RREB1: variants seen among roughly 807,000 people sequenced by gnomAD.
RREB1 encodes the protein ras-responsive element-binding protein 1.
A neutral mutation model predicts 117.8 loss-of-function variants in RREB1; 27 were observed. That is an observed-to-expected ratio of 0.23 (90% CI 0.17 to 0.32). The LOEUF is 0.32. Ranked by LOEUF, RREB1 falls within the 10% of genes least tolerant of loss-of-function variation. The pLI is 1.00. For synonymous variants in RREB1, 1,298 were observed against 1,026.7 expected (o/e 1.26, Z -5.05); for missense variants, 2,577 against 2,378.2 (o/e 1.08, Z -1.74).
chr6:7,198,810 T>C (rs757318324), intron 6 of RREB1, among the ~76,000 whole-genome samples: 7 of 152,176 alleles, frequency 4.6e-5, no homozygotes, highest in African/African-American at 7.2e-5. Context: ...AATATGTAAG[T>C]GTAATATCCC....
intron 2 of RREB1, among the ~76,000 whole-genome samples, chr6:7,179,508 C>T (rs1764678837): frequency 6.6e-6 from 1 of 152,168 alleles, no homozygotes; most frequent in South Asian, 2.1e-4. Flanking sequence ...GATTTCTAGT[C>T]AGTTATGTTG....
chr6:7,196,920 A>G (rs995582851), intron 6 of RREB1, among the ~76,000 whole-genome samples: 2 of 152,204 alleles, frequency 1.3e-5, no homozygotes, highest in African/African-American at 4.8e-5. Context: ...AACATGTAGC[A>G]CGGAAACATC....
intron 1 of RREB1, among the ~76,000 whole-genome samples, chr6:7,162,374 G>A (rs2113466842): frequency 6.6e-6 from 1 of 152,232 alleles, no homozygotes; most frequent in African/African-American, 2.4e-5. Context: ...GCTGGGAGGC[G>A]AATCTCTTCT....
At chr6:7,153,246 T>TTA (rs556613013) in intron 1 of RREB1, among the ~76,000 whole-genome samples, 5,379 of 151,784 alleles carry the variant, frequency 0.035, 128 homozygotes, top group Non-Finnish European at 0.049. Context: ...TATTTTTTTT[T>TTA]AAAAAAAGTA....
At chr6:7,153,213 TG>T (rs1447635662) in intron 1 of RREB1, among the ~76,000 whole-genome samples, 1 of 150,314 alleles carries the variant, frequency 6.7e-6, no homozygotes, top group Non-Finnish European at 1.5e-5. Context: ...AACTGCAAAA[TG>T]TTCCTAGATT....
At chr6:7,199,468 G>A (rs1319805273) in intron 6 of RREB1, among the ~76,000 whole-genome samples, 5 of 152,164 alleles carry the variant, frequency 3.3e-5, no homozygotes, top group Admixed American at 3.3e-4. Flanking sequence ...TTGGGGCAAC[G>A]TAGACTGCAT....
At chr6:7,130,515 C>T (rs1762108558) in intron 1 of RREB1, among the ~76,000 whole-genome samples, 1 of 152,162 alleles carries the variant, frequency 6.6e-6, no homozygotes, top group African/African-American at 2.4e-5. Context: ...GTGTTCTTCC[C>T]CAGAATTGCT....
At chr6:7,123,344 T>C (rs916596809) in intron 1 of RREB1, among the ~76,000 whole-genome samples, 1 of 151,996 alleles carries the variant, frequency 6.6e-6, no homozygotes, top group Non-Finnish European at 1.5e-5. Flanking sequence ...TGTATTTTAA[T>C]GGAGACAGGG....
intron 1 of RREB1, chr6:7,140,852 C>G (rs1051004775): frequency 6.6e-6 from 1 of 152,370 alleles, no homozygotes; most frequent in African/African-American, 2.4e-5. Flanking sequence ...CTCGCGCGCG[C>G]TGGCCCCCGA....
chr6:7,157,417 G>C (rs986600322), intron 1 of RREB1, among the ~76,000 whole-genome samples: 1 of 149,844 alleles, frequency 6.7e-6, no homozygotes, highest in Admixed American at 6.6e-5. Flanking sequence ...CTGGGCAACA[G>C]AGTAAGACTC....
chr6:7,211,642 T>C lies in RREB1; in HGVS notation c.640T>C (p.Phe214Leu). ...TGAAGTCTTTCACTGCCCAGTATGT[T>C]TCAAGGAGTTTGTTTGCAAGTATGG... ...ADEVFHCPVC[F>L]KEFVCKYGLE... The change falls in exon 8 of 13, where the codon TTC (phenylalanine) becomes CTC (leucine). Residue 214 changes from phenylalanine to leucine, a missense_variant. Coordinates refer to ENST00000379938, the MANE Select transcript of RREB1 (RefSeq NM_001003699.4). 6.2e-7 allele frequency: 1 copy of C among 1,614,032 alleles called. No individual in the cohort carries two copies. The highest frequency in any genetic ancestry group is 8.5e-7 in the Non-Finnish European group (1 of 1,179,904).
chr6:7,200,099 A>G (rs886133507), intron 6 of RREB1, among the ~76,000 whole-genome samples: 39 of 151,950 alleles, frequency 2.6e-4, no homozygotes, highest in Non-Finnish European at 3.5e-4. Context: ...GCTAGACTTG[A>G]CCTTCCTCAA....
At chr6:7,112,936 G>A (rs1761215411) in intron 1 of RREB1, among the ~76,000 whole-genome samples, 1 of 152,178 alleles carries the variant, frequency 6.6e-6, no homozygotes, top group African/African-American at 2.4e-5. Context: ...CGGATGGGGA[G>A]GAGGAGACTG....
Position 7,229,825 on chromosome 6 carries a change from C to G in RREB1, c.1726C>G (p.Arg576Gly), listed in dbSNP as rs549745734. 14 of 1,610,158 alleles carry G rather than the reference C, an allele frequency of 8.7e-6. No homozygotes were observed. The East Asian group carries it at 3.1e-4, about 36-fold the overall frequency. The change falls in exon 10 of 13, where the codon CGG becomes GGG. Residue 576 changes from arginine to glycine, a missense_variant. Physicochemically the swap from Arg to Gly is moderately radical, Grantham distance 125. Transcript: ENST00000379938. The surrounding 1 kb of genome is among the most constrained non-coding windows in gnomAD (Gnocchi z 4.5). ...CGGGACCCAGCCCCACGCGGCCACG[C>G]GGCTCTCCCTGCAGCAGCCGCGGGC... ...KSGTQPHAAT[R>G]LSLQQPRAEL...
At position 7,210,894 on chromosome 6, in the gene RREB1, G is replaced by A. The variant is rs780920373; in HGVS notation, c.516G>A (p.Arg172=). ...AACGTAGGCGATTGTCCTCCAAGAG[G>A]AAACTGAGTCACGATGCCGAGTCAG... is the stretch of plus-strand genomic sequence containing the variant. The part of the protein sequence containing the change: ...PLKRRRLSSK[R]KLSHDAESER... Residue 172 remains arginine (R), a synonymous_variant, in exon 7 of 13, where the codon AGG becomes AGA. Transcript: ENST00000379938. The A allele has an allele frequency of 3.7e-6, 6 of 1,614,062 alleles. No homozygotes were observed. In the African/African-American group the frequency reaches 8.0e-5, roughly 22 times the overall value.
In RREB1 at chr6:7,241,014, G is replaced by A. The variant is rs575077505; in HGVS notation, c.3973+412G>A. Among the ~76,000 whole-genome samples, 44 of 152,232 alleles carry A rather than the reference G, an allele frequency of 2.9e-4. 1 individual carries two copies. The highest frequency in any genetic ancestry group is 5.8e-4 in the East Asian group (3 of 5,178). On this transcript the variant is annotated intron_variant, in intron 11 of 12. Coordinates refer to ENST00000379938, the MANE Select transcript of RREB1 (RefSeq NM_001003699.4). ...GAGCCTTAGCCGCTGCAGCCTCCTC[G>A]GGAGCAGGCCTGGGCTCCCTGGGAT...
At position 7,230,398 on chromosome 6, in the gene RREB1, G is replaced by T; in HGVS notation, c.2299G>T (p.Ala767Ser). ...LCGEDLKHYR[A>S]LRIHMRTHCG... ...CGGCGAGGACCTCAAGCACTATCGT[G>T]CCCTGCGCATCCACATGCGCACGCA... The change falls in exon 10 of 13, where the codon GCC (alanine) becomes TCC (serine). Residue 767 changes from alanine to serine, a missense_variant. By Grantham distance (99) the Ala-to-Ser change is moderately conservative. Transcript: ENST00000379938. 1 of 1,592,688 alleles carries T rather than the reference G, an allele frequency of 6.3e-7. No homozygotes were observed. The highest frequency in any genetic ancestry group is 8.5e-7 in the Non-Finnish European group (1 of 1,174,820).
chr6:7,149,163 T>G (rs1257456016), intron 1 of RREB1, among the ~76,000 whole-genome samples: 4 of 152,204 alleles, frequency 2.6e-5, no homozygotes, highest in Admixed American at 2.6e-4. Flanking sequence ...CCTCAGGTGA[T>G]CTGCCCGCCT....
rs553247523 is a variant in RREB1 at position 7,239,630 on chromosome 6, TA to T, written c.3809-807del. Among the ~76,000 whole-genome samples the T allele has an allele frequency of 7.9e-4, 120 of 152,370 alleles. 1 individual carries two copies. Among genetic ancestry groups the T allele is most frequent in the Non-Finnish European group, 1.2e-3 (79 of 68,042 alleles). On this transcript the variant is annotated intron_variant, in intron 10 of 12. Coordinates refer to ENST00000379938, the MANE Select transcript of RREB1 (RefSeq NM_001003699.4). ...CCCATCTGTGCGTTTGGGATGGGTC[TA>T]GGGGCGAGGCAGGGCTGCCAAAATG...
Sources: gnomAD v4.1 joint callset for allele counts (sites outside exome capture counted in the v4.1 genomes callset) on GRCh38, gnomAD v4.1.1 for gene constraint, Gnocchi (gnomAD v3.1) non-coding constraint, MANE v1.5 for transcripts, NCBI Gene and HGNC (gene_info 2026-07-23, HGNC 2026-07-21) for gene names.